Variants in CELF4 observed in about 807,000 individuals in gnomAD.
CELF4 encodes the protein CUGBP Elav-like family member 4, also known as CUG-BP- and ETR-3-like factor 4.
Under a neutral mutation model 59.9 loss-of-function variants are expected in CELF4, and 18 were observed. That is an observed-to-expected ratio of 0.30 (90% CI 0.21 to 0.45). The LOEUF (loss-of-function observed/expected upper bound fraction) is 0.45, where lower values mean the gene tolerates loss of function less well. Among genes scored for constraint, CELF4 ranks in the 20% least tolerant of loss-of-function variants. The probability of loss-of-function intolerance (pLI) is 1.00; values close to 1 mark genes in which losing one functional copy is unlikely to be tolerated. For missense variants in CELF4, 456 were observed against 689.0 expected, an observed-to-expected ratio of 0.66 and a Z score of 3.79; for synonymous variants, 261 against 267.1, an observed-to-expected ratio of 0.98 and a Z score of 0.22.
At chr18:37,497,118 G>A (rs867586237) in intron 1 of CELF4, among the ~76,000 whole-genome samples, 2 of 152,116 alleles carry the variant, frequency 1.3e-5, no homozygotes, top group African/African-American at 4.8e-5. Context: ...ACAGAGCCTA[G>A]CATTTGGCTC....
intron 2 of CELF4, among the ~76,000 whole-genome samples, chr18:37,405,444 G>A (rs572339132): frequency 1.6e-4 from 25 of 152,354 alleles, no homozygotes; most frequent in Admixed American, 3.9e-4. Context: ...TGGTGTACAC[G>A]CCACTTCCTG....
At chr18:37,382,027 C>T (rs2099046171) in intron 2 of CELF4, among the ~76,000 whole-genome samples, 1 of 152,164 alleles carries the variant, frequency 6.6e-6, no homozygotes, top group Admixed American at 6.5e-5. Flanking sequence ...GAGTTAAAGG[C>T]TCACTCTTTA....
intron 3 of CELF4, among the ~76,000 whole-genome samples, chr18:37,310,166 GA>G (rs1157756533): frequency 6.6e-6 from 1 of 151,918 alleles, no homozygotes; most frequent in Non-Finnish European, 1.5e-5. Flanking sequence ...TGGCAGCTCC[GA>G]AGGGGTGTCA....
At chr18:37,540,953 GA>G (rs764745621) in intron 1 of CELF4, among the ~76,000 whole-genome samples, 6 of 152,144 alleles carry the variant, frequency 3.9e-5, no homozygotes, top group Non-Finnish European at 7.4e-5. Flanking sequence ...GGGGCATGGG[GA>G]AGGAGGACTC....
intron 2 of CELF4, among the ~76,000 whole-genome samples, chr18:37,470,333 T>C (rs1359222643): frequency 1.3e-5 from 2 of 152,226 alleles, no homozygotes. Context: ...TTGCATCTGT[T>C]CATTAAAGCA....
intron 1 of CELF4, among the ~76,000 whole-genome samples, chr18:37,533,828 G>A (rs1023938005): frequency 1.3e-5 from 2 of 152,226 alleles, no homozygotes; most frequent in Non-Finnish European, 2.9e-5. Flanking sequence ...AGGCATTGCC[G>A]TGACCAAATC....
chr18:37,352,621 G>A (rs645008), intron 2 of CELF4, among the ~76,000 whole-genome samples: 135,388 of 151,610 alleles, frequency 0.89, 60,617 homozygotes, highest in East Asian at 0.98. Context: ...ATAAAAAAAA[G>A]AATTTTAAGT....
chr18:37,385,572 C>G (rs1281444632), intron 2 of CELF4, among the ~76,000 whole-genome samples: 1 of 152,114 alleles, frequency 6.6e-6, no homozygotes, highest in Admixed American at 6.5e-5. Flanking sequence ...GTCTCCCCTC[C>G]CCTCCACCTC....
intron 2 of CELF4, among the ~76,000 whole-genome samples, chr18:37,408,931 C>T (rs1314772222): frequency 6.6e-6 from 1 of 152,172 alleles, no homozygotes; most frequent in Non-Finnish European, 1.5e-5. Flanking sequence ...CTGCATGGGT[C>T]CCTTTCCAGA....
chr18:37,328,617 T>C (rs653242), intron 2 of CELF4, among the ~76,000 whole-genome samples: 1 of 152,170 alleles, frequency 6.6e-6, no homozygotes, highest in South Asian at 2.1e-4. Flanking sequence ...CCCATTCCTG[T>C]GTGGTTTCTG....
intron 2 of CELF4, among the ~76,000 whole-genome samples, chr18:37,356,054 G>C (rs1405558007): frequency 6.6e-6 from 1 of 152,162 alleles, no homozygotes; most frequent in Non-Finnish European, 1.5e-5. Flanking sequence ...GGGTCTCTCT[G>C]GAAATGGTAG....
chr18:37,278,759 AGAG>A (rs2093726774), intron 3 of CELF4, among the ~76,000 whole-genome samples: 1 of 152,180 alleles, frequency 6.6e-6, no homozygotes, highest in African/African-American at 2.4e-5. Flanking sequence ...AAAGAGGGTG[AGAG>A]GAGAAGTCAG....
chr18:37,260,896 G>A (rs765857783), intron 10 of CELF4, among the ~76,000 whole-genome samples: 24 of 151,868 alleles, frequency 1.6e-4, no homozygotes, highest in African/African-American at 4.4e-4. Context: ...GGGGGACGGC[G>A]CATTCAGAAC....
Position 37,245,070 on chromosome 18 carries a change from A to G in CELF4, c.*172T>C, listed in dbSNP as rs1488971358. The G allele has an allele frequency of 6.6e-6, 1 of 152,538 alleles. No individual in the cohort carries two copies. The highest frequency in any genetic ancestry group is 1.9e-4 in the East Asian group (1 of 5,178). The allele number at this position is 152,538 out of a possible 1,614,324, so 9.4% of individuals were successfully genotyped here. Reference sequence around the variant, plus strand: ...TTGAAGAAATGTTACAGTCACACAGACAGTGTCTGGAGTCTTCAGCTTGAT... The same window carrying G: ...TTGAAGAAATGTTACAGTCACACAGGCAGTGTCTGGAGTCTTCAGCTTGAT... On this transcript the variant is annotated 3_prime_UTR_variant, in exon 13 of 13. Transcript: ENST00000420428. This position sits in a 1 kb window ranked among gnomAD's most constrained non-coding sequence, Gnocchi z 4.1.
intron 3 of CELF4, among the ~76,000 whole-genome samples, chr18:37,287,323 GC>G (rs2094893018): frequency 6.6e-6 from 1 of 152,244 alleles, no homozygotes; most frequent in South Asian, 2.1e-4. Flanking sequence ...CTGGGATAGA[GC>G]CCTTCAGACT....
chr18:37,482,166 G>A (rs979897587), intron 2 of CELF4, among the ~76,000 whole-genome samples: 4 of 152,180 alleles, frequency 2.6e-5, no homozygotes, highest in Non-Finnish European at 4.4e-5. Context: ...CGGGGAGGTG[G>A]ATGTGTTTTT....
chr18:37,431,203 T>C (rs1046199326), intron 2 of CELF4, among the ~76,000 whole-genome samples: 3 of 152,148 alleles, frequency 2.0e-5, no homozygotes, highest in Admixed American at 6.5e-5. Flanking sequence ...AGGTGCCTAA[T>C]TAAAACTGAC....
At chr18:37,305,886 C>T (rs1286961976) in intron 3 of CELF4, 1 of 152,246 alleles carries the variant, frequency 6.6e-6, no homozygotes, top group African/African-American at 2.4e-5. Context: ...ATCTGTCCCT[C>T]TCTTCTAATT....
At chr18:37,559,285 A>T (rs1025139292) in intron 1 of CELF4, among the ~76,000 whole-genome samples, 3 of 151,908 alleles carry the variant, frequency 2.0e-5, no homozygotes, top group Non-Finnish European at 4.4e-5. Context: ...TGCATCTGTC[A>T]TCTCTTCCCT....
Sources: gnomAD v4.1 joint callset for allele counts (sites outside exome capture counted in the v4.1 genomes callset) on GRCh38, gnomAD v4.1.1 for gene constraint, Gnocchi (gnomAD v3.1) non-coding constraint, MANE v1.5 for transcripts, NCBI Gene and HGNC (gene_info 2026-07-23, HGNC 2026-07-21) for gene names.